GATAD2B: variants seen among roughly 807,000 people sequenced by gnomAD.
The protein encoded by GATAD2B is transcriptional repressor p66-beta.
GATAD2B carries 8 observed loss-of-function variants against 64.3 expected under a neutral mutation model. The ratio of observed to expected loss-of-function variants is 0.12; its 90% confidence interval spans 0.07 to 0.22. The LOEUF is 0.22. GATAD2B is among the 10% of genes least tolerant of loss of function. The pLI is 1.00. For synonymous variants in GATAD2B, 281 were observed against 271.3 expected (o/e 1.04, Z -0.35); for missense variants, 453 against 752.0 (o/e 0.60, Z 4.65).
intron 9 of GATAD2B, 47 bp downstream of exon 9, chr1:153,811,975 C>T: frequency 7.5e-7 from 1 of 1,331,082 alleles, no homozygotes; most frequent in Non-Finnish European, 1.1e-6. Context: ...TGATAAATGG[C>T]TGATAAATCT....
At chr1:153,881,154 CGAG>C (rs941297197) in intron 1 of GATAD2B, among the ~76,000 whole-genome samples, 5 of 152,078 alleles carry the variant, frequency 3.3e-5, no homozygotes, top group African/African-American at 4.8e-5. Flanking sequence ...CTTACACACA[CGAG>C]CGCGCGCACA....
At chr1:153,838,281 C>G (rs1279778157) in intron 1 of GATAD2B, among the ~76,000 whole-genome samples, 7 of 152,186 alleles carry the variant, frequency 4.6e-5, no homozygotes, top group African/African-American at 1.7e-4. Context: ...GTGTCAAAGT[C>G]AGACATTAGG....
At chr1:153,874,469 C>T (rs1676763984) in intron 1 of GATAD2B, among the ~76,000 whole-genome samples, 3 of 152,138 alleles carry the variant, frequency 2.0e-5, no homozygotes, top group African/African-American at 7.2e-5. Flanking sequence ...TCAATAGACC[C>T]TCCCTTCTTC....
intron 1 of GATAD2B, among the ~76,000 whole-genome samples, chr1:153,835,740 T>C (rs1413510121): frequency 2.0e-5 from 3 of 152,198 alleles, no homozygotes; most frequent in Non-Finnish European, 4.4e-5. Flanking sequence ...ATTATTTTTT[T>C]GAGACAGACT....
intron 1 of GATAD2B, among the ~76,000 whole-genome samples, chr1:153,883,522 G>A (rs868237266): frequency 3.0e-4 from 45 of 152,118 alleles, no homozygotes; most frequent in African/African-American, 8.9e-4. Flanking sequence ...GATAAATGTC[G>A]CAAGCAAAAT....
intron 1 of GATAD2B, among the ~76,000 whole-genome samples, chr1:153,857,727 T>A (rs761443155): frequency 1.3e-5 from 2 of 152,174 alleles, no homozygotes; most frequent in African/African-American, 4.8e-5. Flanking sequence ...CATTCTTACA[T>A]GTGAAGAAGA....
At chr1:153,901,020 C>T (rs991223065) in intron 1 of GATAD2B, among the ~76,000 whole-genome samples, 2 of 151,998 alleles carry the variant, frequency 1.3e-5, no homozygotes, top group Non-Finnish European at 2.9e-5. Flanking sequence ...TCGAGACCAG[C>T]CTGGCCAACC....
At chr1:153,848,845 T>C (rs756128609) in intron 1 of GATAD2B, among the ~76,000 whole-genome samples, 1 of 151,934 alleles carries the variant, frequency 6.6e-6, no homozygotes, top group Non-Finnish European at 1.5e-5. Flanking sequence ...TCCCAGCTAC[T>C]CAGAAGGCTG....
At chr1:153,830,651 A>G (rs1200004290) in intron 1 of GATAD2B, among the ~76,000 whole-genome samples, 1 of 147,940 alleles carries the variant, frequency 6.8e-6, no homozygotes, top group Non-Finnish European at 1.5e-5. Context: ...AATTTTTTGT[A>G]TTTTTAGTAG....
At chr1:153,841,348 G>A (rs1675487600) in intron 1 of GATAD2B, among the ~76,000 whole-genome samples, 1 of 152,000 alleles carries the variant, frequency 6.6e-6, no homozygotes. Context: ...ACATTTGTAA[G>A]TTCATGTATC....
chr1:153,816,100 A>G lies in GATAD2B; in HGVS notation c.1216+173T>C, dbSNP rs1211328778. Reference sequence around the variant, plus strand: ...CACACACACACACACACACACACACACTCCGCTTCTAACATGTTGCTCCCA... The same window carrying G: ...CACACACACACACACACACACACACGCTCCGCTTCTAACATGTTGCTCCCA... On this transcript the variant is annotated intron_variant, in intron 7 of 10. Transcript: ENST00000368655. This position sits in a 1 kb window ranked among gnomAD's most constrained non-coding sequence, Gnocchi z 4.9. Among the ~76,000 whole-genome samples, 7 of 136,304 alleles carry G rather than the reference A, an allele frequency of 5.1e-5. No homozygotes were observed. The highest frequency in any genetic ancestry group is 1.1e-4 in the Non-Finnish European group (7 of 62,076). The allele number at this position is 136,304 out of a possible 152,430, so 89.4% of individuals were successfully genotyped here. A position where few individuals can be genotyped will look rare whatever the true frequency, so the allele number is the denominator to read the frequency against.
chr1:153,827,422 C>T (rs1674923008), intron 2 of GATAD2B: 2 of 152,516 alleles, frequency 1.3e-5, no homozygotes, highest in Admixed American at 1.3e-4. Context: ...TTGAAAGACA[C>T]CAGAAAAAAA....
chr1:153,892,856 G>T lies in GATAD2B; in HGVS notation c.-2+29877C>A, dbSNP rs1032851931. 4.6e-5 allele frequency among the ~76,000 whole-genome samples: 7 copies of T among 151,874 alleles called. No homozygotes were observed. In the Admixed American group the frequency reaches 4.6e-4, roughly 10 times the overall value. ...ACTACAGGCACGTGCCACCACGCCT[G>T]GCTAATTTTTGTATTTTTAGTAGAG... is the stretch of plus-strand genomic sequence containing the variant. On this transcript the variant is annotated intron_variant, in intron 1 of 10. Coordinates refer to ENST00000368655, the MANE Select transcript of GATAD2B (RefSeq NM_020699.4).
Position 153,816,059 on chromosome 1 carries a change from AACAC to A in GATAD2B, c.1216+210_1216+213del, listed in dbSNP as rs71093286. On this transcript the variant is annotated intron_variant, in intron 7 of 10. Transcript: ENST00000368655. This position sits in a 1 kb window ranked among gnomAD's most constrained non-coding sequence, Gnocchi z 4.9. ...CAGAGCGAGACTGCATCTCAAACAA[AACAC>A]ACACACACACACACACACACACACA... 0.16 allele frequency among the ~76,000 whole-genome samples: 23,229 copies of A among 141,712 alleles called. 1,962 individuals are homozygous for A. Among genetic ancestry groups the A allele is most frequent in the South Asian group, 0.23 (973 of 4,288 alleles). The allele number at this position is 141,712 out of a possible 152,430, so 93.0% of individuals were successfully genotyped here.
intron 1 of GATAD2B, among the ~76,000 whole-genome samples, chr1:153,857,167 G>A (rs568146401): frequency 1.9e-4 from 29 of 151,166 alleles, no homozygotes; most frequent in South Asian, 1.3e-3. Flanking sequence ...TAAATTGGCC[G>A]GGCGCAGTGG....
chr1:153,817,902 A>C (rs1055467065), intron 5 of GATAD2B, 138 bp downstream of exon 5: 16 of 723,580 alleles, frequency 2.2e-5, no homozygotes, highest in Non-Finnish European at 3.2e-5. Flanking sequence ...ATCATGCCAT[A>C]ATGGGCCAAC....
chr1:153,881,782 C>CGTGTGT lies in GATAD2B; in HGVS notation c.-2+40945_-2+40950dup, dbSNP rs60620987. 3.5e-4 allele frequency among the ~76,000 whole-genome samples: 52 copies of CGTGTGT among 149,958 alleles called. 1 individual carries two copies. The South Asian group carries it at 4.9e-3, about 14-fold the overall frequency. Reference sequence around the variant, plus strand: ...TAATGAGATGGGTTTAGGTTTTTTTCGTGTGTGTGTGTGTGTGTGGAGGGT... The same window carrying CGTGTGT: ...TAATGAGATGGGTTTAGGTTTTTTTCGTGTGTGTGTGTGTGTGTGTGTGTGGAGGGT... On this transcript the variant is annotated intron_variant, in intron 1 of 10. Transcript: ENST00000368655.
rs1428216333 is a variant in GATAD2B, at chr1:153,827,998, T to C, written c.335+15A>G. On this transcript the variant is annotated intron_variant, in intron 2 of 10. Transcript: ENST00000368655. ...AGACGACCCTATCCCTGGAGGCAGC[T>C]GAACTGAGCCATACCTCCGTCTAGC... 5 of 1,599,206 alleles carry C rather than the reference T, an allele frequency of 3.1e-6. No individual in the cohort carries two copies. In the African/African-American group the frequency reaches 4.0e-5, roughly 13 times the overall value.
chr1:153,816,283 A>G lies in GATAD2B; in HGVS notation c.1206T>C (p.Ile402=). 6.2e-7 allele frequency: 1 copy of G among 1,609,946 alleles called. No individual in the cohort carries two copies. The part of the protein sequence containing the change: ...VGLEEVVQSV[I]DSQGKSCASL... ...AAGAAACAGCCTTACCTTGGCTGTC[A>G]ATGACACTCTGTACGACTTCTTCCA... The change falls in exon 7 of 11, where the codon ATT becomes ATC. Residue 402 remains isoleucine (I), a synonymous_variant. Transcript: ENST00000368655. This position sits in a 1 kb window ranked among gnomAD's most constrained non-coding sequence, Gnocchi z 4.9.
Sources: allele counts gnomAD v4.1 joint callset (sites outside exome capture counted in the v4.1 genomes callset), GRCh38; gene constraint gnomAD v4.1.1; non-coding constraint Gnocchi (gnomAD v3.1); transcripts MANE v1.5; gene names NCBI Gene and HGNC (gene_info 2026-07-23, HGNC 2026-07-21).